Variants in SHISA6 observed in about 807,000 individuals in gnomAD.
SHISA6 encodes the protein shisa family member 6.
A neutral mutation model predicts 47.9 loss-of-function variants in SHISA6; 22 were observed. That is an observed-to-expected ratio of 0.46 (90% CI 0.33 to 0.66). The LOEUF is 0.66. SHISA6 is among the 30% of genes least tolerant of loss of function. SHISA6 has a pLI of 0.02. For synonymous variants in SHISA6, 388 were observed against 337.8 expected, an observed-to-expected ratio of 1.15 and a Z score of -1.63; for missense variants, 680 against 764.6, an observed-to-expected ratio of 0.89 and a Z score of 1.30.
intron 2 of SHISA6, among the ~76,000 whole-genome samples, chr17:11,350,182 A>ATTTATTTTTTTT (rs964679787): frequency 1.7e-5 from 2 of 116,240 alleles, no homozygotes; most frequent in African/African-American, 6.7e-5. Context: ...TTATTTATTT[A>ATTTATTTTTTTT]TTTTTTTTTT....
At chr17:11,338,843 A>T (rs904726464) in intron 2 of SHISA6, among the ~76,000 whole-genome samples, 5 of 152,242 alleles carry the variant, frequency 3.3e-5, no homozygotes, top group African/African-American at 1.2e-4. Context: ...AACTGCAAAG[A>T]TACATGAAAA....
intron 4 of SHISA6, among the ~76,000 whole-genome samples, chr17:11,555,476 G>C (rs936324809): frequency 6.6e-6 from 1 of 151,962 alleles, no homozygotes. Context: ...CTGAGAGAGA[G>C]AATTCGCTCC....
intron 3 of SHISA6, among the ~76,000 whole-genome samples, chr17:11,485,549 T>C (rs1477463686): frequency 1.3e-5 from 2 of 152,136 alleles, no homozygotes; most frequent in African/African-American, 4.8e-5. Flanking sequence ...CAGAAGTTGC[T>C]AAACATTGCC....
Position 11,241,405 on chromosome 17 carries a change from C to T in SHISA6, c.-18C>T. The T allele has an allele frequency of 8.9e-7, 1 of 1,119,288 alleles. No individual in the cohort carries two copies. The highest frequency in any genetic ancestry group is 7.4e-5 in the East Asian group (1 of 13,472). 69.3% of individuals were successfully genotyped at this position (1,119,288 alleles called of 1,614,324 possible). ...CCTGCCGCGGAAGCCTCCCCGCGCCCTCCCGCCCGGCCCCGCCATGGCGCT... is the reference window on the plus strand; with the variant it reads ...CCTGCCGCGGAAGCCTCCCCGCGCCTTCCCGCCCGGCCCCGCCATGGCGCT... On this transcript the variant is annotated 5_prime_UTR_variant, in exon 1 of 6. Transcript: ENST00000441885. The surrounding 1 kb of genome is among the most constrained non-coding windows in gnomAD (Gnocchi z 5.5).
chr17:11,251,727 G>C (rs1257672161), intron 1 of SHISA6, among the ~76,000 whole-genome samples: 1 of 152,124 alleles, frequency 6.6e-6, no homozygotes, highest in Non-Finnish European at 1.5e-5. Context: ...TTCCCTGTTT[G>C]TACCCTGGTG....
intron 3 of SHISA6, among the ~76,000 whole-genome samples, chr17:11,533,941 C>A (rs967332032): frequency 7.3e-5 from 11 of 150,818 alleles, no homozygotes; most frequent in Admixed American, 2.0e-4. Flanking sequence ...GTACTCTCTG[C>A]AATTACACAG....
Position 11,557,975 on chromosome 17 carries a change from G to C in SHISA6, c.1327G>C (p.Asp443His), listed in dbSNP as rs1045705429. ...CATGCCCTACGACCGCATCCTGTCCGACGAGCAGCTGCTCTCCACGGAGCG... is the reference window on the plus strand; with the variant it reads ...CATGCCCTACGACCGCATCCTGTCCCACGAGCAGCTGCTCTCCACGGAGCG... Reference protein sequence around the residue: ...FSMPYDRILSDEQLLSTERLH... With the variant: ...FSMPYDRILSHEQLLSTERLH... The change falls in exon 6 of 6, where the codon GAC becomes CAC. Residue 443 changes from aspartate to histidine, a missense_variant. Physicochemically the swap from Asp to His is moderately conservative, Grantham distance 81. Around this residue, in one of 2 missense-constraint regions of SHISA6, gnomAD observed 559 missense variants for 674.1 expected, o/e 0.83. Transcript: ENST00000441885. 2 of 1,551,472 alleles carry C rather than the reference G, an allele frequency of 1.3e-6. No individual in the cohort carries two copies. Among genetic ancestry groups the C allele is most frequent in the Non-Finnish European group, 1.7e-6 (2 of 1,146,924 alleles).
At chr17:11,392,265 A>G (rs1913410699) in intron 3 of SHISA6, among the ~76,000 whole-genome samples, 1 of 152,032 alleles carries the variant, frequency 6.6e-6, no homozygotes, top group Non-Finnish European at 1.5e-5. Flanking sequence ...CCCTGAATCC[A>G]TTTAACCAAA....
At chr17:11,262,650 A>G (rs567667630) in intron 1 of SHISA6, among the ~76,000 whole-genome samples, 1 of 152,310 alleles carries the variant, frequency 6.6e-6, no homozygotes, top group South Asian at 2.1e-4. Context: ...TGAGTTAACA[A>G]AAGCTGCTTT....
chr17:11,425,483 C>T lies in SHISA6; in HGVS notation c.895+45974C>T, dbSNP rs1049145149. On this transcript the variant is annotated intron_variant, in intron 3 of 5. Transcript: ENST00000441885. Reference sequence around the variant, plus strand: ...ATCATTTCCATTTCCAGCTTTTGTTCCTCTGCCTCCAATTTTTCAGATAGC... The same window carrying T: ...ATCATTTCCATTTCCAGCTTTTGTTTCTCTGCCTCCAATTTTTCAGATAGC... 5.3e-5 allele frequency among the ~76,000 whole-genome samples: 8 copies of T among 152,200 alleles called. No individual in the cohort carries two copies. In the South Asian group the frequency reaches 6.2e-4, roughly 12 times the overall value.
chr17:11,533,693 C>T (rs539867023), intron 3 of SHISA6, among the ~76,000 whole-genome samples: 27 of 147,934 alleles, frequency 1.8e-4, no homozygotes, highest in East Asian at 2.1e-4. Context: ...CCCGGGTTCA[C>T]GCCATTCTCC....
chr17:11,462,906 C>T (rs779941450), intron 3 of SHISA6, among the ~76,000 whole-genome samples: 18 of 152,072 alleles, frequency 1.2e-4, no homozygotes, highest in African/African-American at 2.2e-4. Flanking sequence ...GGGATTATAG[C>T]GTGTTATCCA....
intron 3 of SHISA6, among the ~76,000 whole-genome samples, chr17:11,547,464 C>G (rs1349324343): frequency 6.6e-6 from 1 of 152,114 alleles, no homozygotes; most frequent in Non-Finnish European, 1.5e-5. Context: ...CTAAATAACT[C>G]TTGGGTCAAA....
chr17:11,409,730 A>G (rs2142271259), intron 3 of SHISA6, among the ~76,000 whole-genome samples: 1 of 151,872 alleles, frequency 6.6e-6, no homozygotes, highest in South Asian at 2.1e-4. Flanking sequence ...AAAGGAAAAG[A>G]AAATGACAGT....
At chr17:11,529,884 C>T (rs1205113800) in intron 3 of SHISA6, among the ~76,000 whole-genome samples, 5 of 151,946 alleles carry the variant, frequency 3.3e-5, no homozygotes, top group African/African-American at 4.8e-5. Flanking sequence ...AATATTCAAA[C>T]GTATATCAAA....
chr17:11,375,811 C>A (rs960947621), intron 2 of SHISA6, among the ~76,000 whole-genome samples: 1 of 152,132 alleles, frequency 6.6e-6, no homozygotes, highest in Non-Finnish European at 1.5e-5. Flanking sequence ...AAAATAAAAT[C>A]TTTGTTGCTT....
chr17:11,484,143 T>C (rs1048378102), intron 3 of SHISA6, among the ~76,000 whole-genome samples: 11 of 152,270 alleles, frequency 7.2e-5, no homozygotes, highest in Admixed American at 3.3e-4. Flanking sequence ...GAATTATCCC[T>C]TCATCTCAGA....
intron 3 of SHISA6, among the ~76,000 whole-genome samples, chr17:11,491,825 G>A (rs1180093754): frequency 6.7e-6 from 1 of 148,306 alleles, no homozygotes; most frequent in Non-Finnish European, 1.5e-5. Flanking sequence ...AGGCTGGAGT[G>A]CAATGGTGCG....
intron 3 of SHISA6, among the ~76,000 whole-genome samples, chr17:11,411,893 A>G (rs1567598958): frequency 6.6e-6 from 1 of 152,198 alleles, no homozygotes; most frequent in Non-Finnish European, 1.5e-5. Flanking sequence ...GTGTGTTCAA[A>G]TGGGCCTCTT....
Sources: allele counts gnomAD v4.1 joint callset (sites outside exome capture counted in the v4.1 genomes callset), GRCh38; gene constraint gnomAD v4.1.1; regional missense constraint gnomAD v4.1.1; non-coding constraint Gnocchi (gnomAD v3.1); transcripts MANE v1.5; gene names NCBI Gene and HGNC (gene_info 2026-07-23, HGNC 2026-07-21).